FAM78A: variants seen among roughly 807,000 people sequenced by gnomAD.
FAM78A encodes family with sequence similarity 78 member A.
A neutral mutation model predicts 22.6 loss-of-function variants in FAM78A; 12 were observed. That is an observed-to-expected ratio of 0.53 (90% confidence interval 0.34 to 0.86). The LOEUF (loss-of-function observed/expected upper bound fraction) is 0.86, where lower values mean the gene tolerates loss of function less well. Among genes scored for constraint, FAM78A ranks in the 40% least tolerant of loss-of-function variants. FAM78A has a pLI of 0.02. For missense variants in FAM78A, 322 were observed against 396.1 expected, an observed-to-expected ratio of 0.81 and a Z score of 1.59; for synonymous variants, 151 against 155.8, an observed-to-expected ratio of 0.97 and a Z score of 0.23.
upstream of FAM78A, among the ~76,000 whole-genome samples, chr9:131,280,404 G>A (rs762787746): frequency 1.2e-4 from 18 of 152,358 alleles, no homozygotes; most frequent in Middle Eastern, 3.4e-3. Flanking sequence ...ATCCACGCGC[G>A]TGTGAAGTGC....
chr9:131,277,988 G>T (rs1399746915), upstream of FAM78A, among the ~76,000 whole-genome samples: 9 of 146,112 alleles, frequency 6.2e-5, no homozygotes, highest in Admixed American at 6.1e-4. This position sits in a 1 kb window ranked among gnomAD's most constrained non-coding sequence, Gnocchi z 8.4. Context: ...GAGCGCAGCC[G>T]GCGCACGCAG....
upstream of FAM78A, among the ~76,000 whole-genome samples, chr9:131,278,060 C>T (rs1010251930): frequency 6.8e-6 from 1 of 147,666 alleles, no homozygotes; most frequent in African/African-American, 2.4e-5. Flanking sequence ...GCGGCGGCGG[C>T]GGGCGGGCGC....
intron 1 of FAM78A, among the ~76,000 whole-genome samples, chr9:131,266,270 G>A (rs974501253): frequency 3.3e-5 from 5 of 152,106 alleles, no homozygotes; most frequent in African/African-American, 1.2e-4. Context: ...CTGTTAAACC[G>A]GCCATGACTC....
At chr9:131,279,994 C>G (rs1035052066), upstream of FAM78A, among the ~76,000 whole-genome samples, 1 of 152,214 alleles carries the variant, frequency 6.6e-6, no homozygotes, top group Non-Finnish European at 1.5e-5. Context: ...GGAAGTCCTA[C>G]CAGCAGAGGT....
chr9:131,260,681 C>T lies in FAM78A; in HGVS notation c.*141G>A, dbSNP rs1023077554. 46 of 1,069,344 alleles carry T rather than the reference C, an allele frequency of 4.3e-5. 1 individual carries two copies. In the Middle Eastern group the frequency reaches 9.8e-4, roughly 23 times the overall value. 66.2% of individuals were successfully genotyped at this position (1,069,344 alleles called of 1,614,324 possible). A position where few individuals can be genotyped will look rare whatever the true frequency, so the allele number is the denominator to read the frequency against. ...GTGCCGAGAGCCGGGGAGGCCTTCC[C>T]GGGGGCATCAGCACAGTGAGATCCG... On this transcript the variant is annotated 3_prime_UTR_variant, in exon 2 of 2. Coordinates refer to ENST00000372271, the MANE Select transcript of FAM78A (RefSeq NM_033387.4). This position sits in a 1 kb window ranked among gnomAD's most constrained non-coding sequence, Gnocchi z 5.4.
upstream of FAM78A, among the ~76,000 whole-genome samples, chr9:131,278,009 C>G (rs1284574666): frequency 1.4e-5 from 2 of 146,344 alleles, no homozygotes; most frequent in African/African-American, 2.5e-5. Flanking sequence ...GGACCGCCGC[C>G]CGCTCGCCGG....
intron 1 of FAM78A, among the ~76,000 whole-genome samples, chr9:131,269,099 C>G (rs1835384020): frequency 1.0e-5 from 1 of 98,690 alleles, no homozygotes; most frequent in African/African-American, 3.3e-5. Flanking sequence ...AAAACTTCGT[C>G]TCAAAAAAAA....
At chr9:131,270,356 G>C (rs951422886) in intron 1 of FAM78A, 2 of 717,410 alleles carry the variant, frequency 2.8e-6, no homozygotes, top group Non-Finnish European at 5.2e-6. Flanking sequence ...CACTGGGCAC[G>C]ACTGATCTTT....
At chr9:131,276,629 G>C (rs929074243), upstream of FAM78A, 1 of 153,980 alleles carries the variant, frequency 6.5e-6, no homozygotes, top group African/African-American at 2.4e-5. The surrounding 1 kb of genome is among the most constrained non-coding windows in gnomAD (Gnocchi z 4.3). Context: ...CGCTCCCTCC[G>C]GGCCCCGCAC....
intron 1 of FAM78A, among the ~76,000 whole-genome samples, chr9:131,271,985 GCT>G (rs1251074288): frequency 2.0e-5 from 3 of 151,954 alleles, no homozygotes; most frequent in Admixed American, 2.0e-4. Context: ...CTCTTTTCCA[GCT>G]CTGTCTGCAA....
Position 131,275,842 on chromosome 9 carries a change from C to A in FAM78A, c.323+15G>T. 3 of 1,560,060 alleles carry A rather than the reference C, an allele frequency of 1.9e-6. No individual in the cohort carries two copies. The highest frequency in any genetic ancestry group is 2.6e-6 in the Non-Finnish European group (3 of 1,150,596). ...TCCCTAGCAGTTCCCAGAGCTGGCTCTCGGCCGTACTCACATGCCCTGCTC... is the reference window on the plus strand; with the variant it reads ...TCCCTAGCAGTTCCCAGAGCTGGCTATCGGCCGTACTCACATGCCCTGCTC... On this transcript the variant is annotated intron_variant, in intron 1 of 1. Transcript: ENST00000372271. This position sits in a 1 kb window ranked among gnomAD's most constrained non-coding sequence, Gnocchi z 4.6.
chr9:131,271,324 C>T (rs908786636), intron 1 of FAM78A, among the ~76,000 whole-genome samples: 7 of 152,350 alleles, frequency 4.6e-5, no homozygotes, highest in African/African-American at 1.7e-4. Context: ...GAGGCAGCCA[C>T]CTTTCCGGTG....
At chr9:131,276,704 G>A (rs1835488669), upstream of FAM78A, among the ~76,000 whole-genome samples, 1 of 151,896 alleles carries the variant, frequency 6.6e-6, no homozygotes, top group South Asian at 2.1e-4. This position sits in a 1 kb window ranked among gnomAD's most constrained non-coding sequence, Gnocchi z 4.3. Flanking sequence ...CCGAGGTCCC[G>A]GCGCCCTCGG....
At chr9:131,267,020 C>T (rs1835354170) in intron 1 of FAM78A, among the ~76,000 whole-genome samples, 1 of 152,252 alleles carries the variant, frequency 6.6e-6, no homozygotes, top group Non-Finnish European at 1.5e-5. Context: ...ACTCCCTGAG[C>T]ACACGGGCTG....
chr9:131,277,202 C>G (rs867859405), upstream of FAM78A, among the ~76,000 whole-genome samples: 1 of 151,522 alleles, frequency 6.6e-6, no homozygotes, highest in Admixed American at 6.6e-5. This position sits in a 1 kb window ranked among gnomAD's most constrained non-coding sequence, Gnocchi z 8.4. Context: ...CCCGGACGGG[C>G]GGGGTGGGGG....
In FAM78A at chr9:131,265,238, T is replaced by G. The variant is rs757134591; in HGVS notation, c.324-3888A>C. On this transcript the variant is annotated intron_variant, in intron 1 of 1. Coordinates refer to ENST00000372271, the MANE Select transcript of FAM78A (RefSeq NM_033387.4). The surrounding 1 kb of genome is among the most constrained non-coding windows in gnomAD (Gnocchi z 4.3). ...TATTTTTAACTTAAAAGTCTAAAGT[T>G]AAGCAATATCTTAACCACCTTTCTC... Among the ~76,000 whole-genome samples, 10 of 152,320 alleles carry G rather than the reference T, an allele frequency of 6.6e-5. No homozygotes were observed. In the South Asian group the frequency reaches 8.3e-4, roughly 13 times the overall value.
chr9:131,271,380 G>A (rs372267507), intron 1 of FAM78A, among the ~76,000 whole-genome samples: 24 of 152,282 alleles, frequency 1.6e-4, no homozygotes, highest in Middle Eastern at 3.4e-3. Flanking sequence ...TTAGTATTAC[G>A]ATTCATAGCT....
upstream of FAM78A, among the ~76,000 whole-genome samples, chr9:131,279,178 G>A (rs1297703433): frequency 1.3e-5 from 2 of 152,206 alleles, no homozygotes; most frequent in African/African-American, 4.8e-5. Flanking sequence ...GCCAAGGCAG[G>A]GCCACAGAGA....
Position 131,265,147 on chromosome 9 carries a change from G to A in FAM78A, c.324-3797C>T, listed in dbSNP as rs1835328722. Among the ~76,000 whole-genome samples the A allele has an allele frequency of 6.6e-6, 1 of 152,022 alleles. No individual in the cohort carries two copies. Among genetic ancestry groups the A allele is most frequent in the Admixed American group, 6.5e-5 (1 of 15,268 alleles). On this transcript the variant is annotated intron_variant, in intron 1 of 1. Transcript: ENST00000372271. The surrounding 1 kb of genome is among the most constrained non-coding windows in gnomAD (Gnocchi z 4.3). ...GGTATTTTTCTTCTGTTTCTTCTTG[G>A]TACTTATTGGGGATTTAAACATTCT... is the stretch of plus-strand genomic sequence containing the variant.
Sources: allele counts gnomAD v4.1 joint callset (sites outside exome capture counted in the v4.1 genomes callset), GRCh38; gene constraint gnomAD v4.1.1; non-coding constraint Gnocchi (gnomAD v3.1); transcripts MANE v1.5; gene names NCBI Gene and HGNC (gene_info 2026-07-23, HGNC 2026-07-21).